Variants in TG observed in about 807,000 individuals in gnomAD.
The protein encoded by TG is thyroid hormones.
TG carries 270 observed loss-of-function variants against 324.7 expected under a neutral mutation model. The observed-to-expected ratio is 0.83, with a 90% CI of 0.75 to 0.92. TG has a LOEUF of 0.92. Ranked by LOEUF, TG falls within the 40% of genes least tolerant of loss-of-function variation. The pLI, the probability that TG is intolerant of heterozygous loss-of-function variation, is 0.00. For synonymous variants in TG, 1,401 were observed against 1,327.0 expected (o/e 1.06, Z -1.21); for missense variants, 3,591 against 3,456.4 (o/e 1.04, Z -0.98).
intron 23 of TG, among the ~76,000 whole-genome samples, chr8:132,929,973 A>G (rs1246237592): frequency 6.6e-6 from 1 of 152,142 alleles, no homozygotes; most frequent in Non-Finnish European, 1.5e-5. Flanking sequence ...TAGTCGCAAT[A>G]GTTAGTTTTA....
chr8:132,886,758 C>G lies in TG; in HGVS notation c.1386C>G (p.Thr462=), dbSNP rs1193877952. The G allele has an allele frequency of 1.2e-6, 2 of 1,614,206 alleles. No homozygotes were observed. The highest frequency in any genetic ancestry group is 1.1e-5 in the South Asian group (1 of 91,084). ...CTCGTCTTGCCCTTCAGTTTACCAC[C>G]AACCCAAAGAGACTCCAGCAAAACC... ...GLARLALQFT[T]NPKRLQQNLF... The change falls in exon 9 of 48, where the codon ACC becomes ACG. Residue 462 remains threonine (T), a synonymous_variant. Transcript: ENST00000220616.
At chr8:133,014,014 G>A (rs970004445) in intron 37 of TG, among the ~76,000 whole-genome samples, 7 of 152,198 alleles carry the variant, frequency 4.6e-5, no homozygotes, top group Admixed American at 6.5e-5. Context: ...TAATTCAAAA[G>A]CCCACTTTTT....
At chr8:132,962,071 A>C (rs1191037641) in intron 28 of TG, among the ~76,000 whole-genome samples, 1 of 152,118 alleles carries the variant, frequency 6.6e-6, no homozygotes, top group African/African-American at 2.4e-5. Context: ...AATGCTGTGG[A>C]TATCATACAT....
chr8:132,949,451 A>C (rs2687845), intron 27 of TG, among the ~76,000 whole-genome samples: 78,959 of 152,092 alleles, frequency 0.52, 21,819 homozygotes, highest in Non-Finnish European at 0.61. Flanking sequence ...GGTGGGAAAT[A>C]GACTCTACTC....
rs1281466649 is a variant in TG at position 132,967,977 on chromosome 8, A to G, written c.5863+7A>G. On this transcript the variant is annotated splice_region_variant and intron_variant, in intron 31 of 47. Transcript: ENST00000220616. Reference sequence around the variant, plus strand: ...GCCCTGTTCCGGAAGAAAGGTGAGCACTTGGAGAGATCTGCATAAACTGTA... The same window carrying G: ...GCCCTGTTCCGGAAGAAAGGTGAGCGCTTGGAGAGATCTGCATAAACTGTA... 3.1e-6 allele frequency: 5 copies of G among 1,612,874 alleles called. No individual in the cohort carries two copies. Among genetic ancestry groups the G allele is most frequent in the Admixed American group, 3.3e-5 (2 of 59,966 alleles).
At chr8:133,130,932 A>AG (rs1341479267) in intron 45 of TG, among the ~76,000 whole-genome samples, 2 of 152,040 alleles carry the variant, frequency 1.3e-5, no homozygotes, top group African/African-American at 2.4e-5. Context: ...AAGAAAGAGG[A>AG]GGGGGGCCCC....
intron 26 of TG, among the ~76,000 whole-genome samples, chr8:132,944,746 A>G (rs1824984415): frequency 6.6e-6 from 1 of 152,252 alleles, no homozygotes; most frequent in African/African-American, 2.4e-5. Context: ...GACTCTGAAG[A>G]CAAGTGAATA....
At chr8:132,893,433 G>C (rs1334497769) in intron 10 of TG, among the ~76,000 whole-genome samples, 3 of 133,508 alleles carry the variant, frequency 2.2e-5, no homozygotes, top group South Asian at 5.2e-4. Flanking sequence ...TATGTGTGTG[G>C]TGTGTGGTGT....
intron 41 of TG, among the ~76,000 whole-genome samples, chr8:133,080,560 T>G (rs930364325): frequency 6.6e-6 from 1 of 152,154 alleles, no homozygotes; most frequent in Non-Finnish European, 1.5e-5. Context: ...GCTGCTATCC[T>G]CCTCAAGCAG....
intron 45 of TG, among the ~76,000 whole-genome samples, chr8:133,127,320 T>A (rs1433790275): frequency 6.6e-6 from 1 of 152,180 alleles, no homozygotes; most frequent in Non-Finnish European, 1.5e-5. Flanking sequence ...GTGCAATGGA[T>A]CATCTCTGAA....
intron 35 of TG, among the ~76,000 whole-genome samples, chr8:132,994,357 C>T (rs543440628): frequency 1.3e-5 from 2 of 152,006 alleles, no homozygotes; most frequent in African/African-American, 2.4e-5. Flanking sequence ...GTGGGTAAAC[C>T]GGTTCTATTC....
chr8:133,040,070 G>T (rs181008087), intron 41 of TG: 1 of 1,556,804 alleles, frequency 6.4e-7, no homozygotes, highest in East Asian at 2.4e-5. Flanking sequence ...CACTGCTGGG[G>T]CAGCCGTGCT....
intron 41 of TG, among the ~76,000 whole-genome samples, chr8:133,083,791 C>A (rs562308497): frequency 6.6e-6 from 1 of 152,162 alleles, no homozygotes; most frequent in East Asian, 1.9e-4. Flanking sequence ...AGCAGGCTCA[C>A]GGACTCACAT....
intron 16 of TG, among the ~76,000 whole-genome samples, chr8:132,902,570 C>T (rs887320551): frequency 2.0e-5 from 3 of 152,158 alleles, no homozygotes; most frequent in South Asian, 4.1e-4. Flanking sequence ...CTGCTTCATC[C>T]GCATCTTGAC....
intron 41 of TG, among the ~76,000 whole-genome samples, chr8:133,041,155 G>A (rs2131087672): frequency 6.6e-6 from 1 of 152,328 alleles, no homozygotes; most frequent in South Asian, 2.1e-4. Context: ...GAGATGATGT[G>A]GTCAAGGGGG....
At chr8:133,069,657 G>A (rs1380513774) in intron 41 of TG, among the ~76,000 whole-genome samples, 1 of 152,072 alleles carries the variant, frequency 6.6e-6, no homozygotes, top group African/African-American at 2.4e-5. Context: ...TCTACTCTCG[G>A]CTGGGGCTCA....
At chr8:132,922,232 G>A (rs1386383569) in intron 21 of TG, among the ~76,000 whole-genome samples, 2 of 152,182 alleles carry the variant, frequency 1.3e-5, no homozygotes, top group African/African-American at 2.4e-5. Context: ...AGGACAAGGG[G>A]ACATTAGCTA....
At chr8:132,972,151 C>A (rs191729707) in intron 33 of TG, 7 of 489,252 alleles carry the variant, frequency 1.4e-5, no homozygotes, top group African/African-American at 1.4e-4. Context: ...AACACTTAGG[C>A]CAAGCAGCTT....
intron 41 of TG, among the ~76,000 whole-genome samples, chr8:133,060,626 TGAG>T (rs1842235301): frequency 6.6e-6 from 1 of 152,172 alleles, no homozygotes. Context: ...ACCAAAGGCA[TGAG>T]GAGAAGGTAC....
Sources: gnomAD v4.1 joint callset for allele counts (sites outside exome capture counted in the v4.1 genomes callset) on GRCh38, gnomAD v4.1.1 for gene constraint, MANE v1.5 for transcripts, NCBI Gene and HGNC (gene_info 2026-07-23, HGNC 2026-07-21) for gene names.